TENM3: variants seen among roughly 807,000 people sequenced by gnomAD.
TENM3 encodes the protein teneurin transmembrane protein 3.
A neutral mutation model predicts 255.1 loss-of-function variants in TENM3; 63 were observed. The ratio of observed to expected loss-of-function variants is 0.25; its 90% CI spans 0.20 to 0.30. The LOEUF (loss-of-function observed/expected upper bound fraction) is 0.30. Ranked by LOEUF, TENM3 falls within the 10% of genes least tolerant of loss-of-function variation. The pLI is 1.00. For missense variants in TENM3, 2,929 were observed against 3,461.1 expected (o/e 0.85, Z 3.86); for synonymous variants, 1,306 against 1,322.3 (o/e 0.99, Z 0.27).
At chr4:181,944,150 T>A in the TENM3 span, among the ~76,000 whole-genome samples, 2 of 152,166 alleles carry the variant, frequency 1.3e-5, no homozygotes, top group Admixed American at 6.5e-5. Flanking sequence ...TTATGAGAAC[T>A]GGCTTGCTGG....
At chr4:181,770,373 G>A in the TENM3 span, among the ~76,000 whole-genome samples, 6 of 152,170 alleles carry the variant, frequency 3.9e-5, no homozygotes, top group Admixed American at 3.9e-4. Context: ...TAACCTCACT[G>A]TCTTAAGAGT....
intron 13 of TENM3, among the ~76,000 whole-genome samples, chr4:182,726,907 T>C (rs539652319): frequency 6.6e-6 from 1 of 152,330 alleles, no homozygotes; most frequent in Admixed American, 6.5e-5. Context: ...TTAATAAGAA[T>C]AGCCTAACTT....
the TENM3 span, among the ~76,000 whole-genome samples, chr4:181,652,322 T>C: frequency 6.6e-6 from 1 of 152,142 alleles, no homozygotes; most frequent in Non-Finnish European, 1.5e-5. Flanking sequence ...CAATAAGATA[T>C]ACAGGCTATT....
At chr4:181,767,693 A>G in the TENM3 span, among the ~76,000 whole-genome samples, 1 of 152,154 alleles carries the variant, frequency 6.6e-6, no homozygotes, top group African/African-American at 2.4e-5. Flanking sequence ...CATCTCAGGA[A>G]ATTCTGAGAC....
intron 2 of TENM3, among the ~76,000 whole-genome samples, chr4:182,334,702 TG>T (rs912448107): frequency 6.6e-6 from 1 of 152,120 alleles, no homozygotes; most frequent in African/African-American, 2.4e-5. Flanking sequence ...TTCTATTCAG[TG>T]GGATTTGATA....
chr4:182,037,150 A>ATTTTTTTTTTTTTATTT, the TENM3 span, among the ~76,000 whole-genome samples: 1 of 144,682 alleles, frequency 6.9e-6, no homozygotes, highest in Admixed American at 6.8e-5. Flanking sequence ...AACTCCTTTT[A>ATTTTTTTTTTTTTATTT]TTTTTTTTTT....
intron 3 of TENM3, chr4:182,448,969 G>C: frequency 2.5e-6 from 1 of 395,436 alleles, no homozygotes; most frequent in South Asian, 1.7e-5. Flanking sequence ...TCTGGCCGCC[G>C]CGCGCAGCCC....
At chr4:182,742,099 A>G (rs551811807) in intron 18 of TENM3, among the ~76,000 whole-genome samples, 13 of 152,368 alleles carry the variant, frequency 8.5e-5, no homozygotes, top group Admixed American at 2.6e-4. Context: ...TATACAGATG[A>G]TAACACATTG....
chr4:181,892,210 A>G, the TENM3 span, among the ~76,000 whole-genome samples: 2 of 152,186 alleles, frequency 1.3e-5, no homozygotes, highest in African/African-American at 4.8e-5. Flanking sequence ...GCTTCTATGA[A>G]TTGCATATTC....
At chr4:182,223,544 G>A (rs1755966456) in intron 1 of TENM3, among the ~76,000 whole-genome samples, 1 of 152,060 alleles carries the variant, frequency 6.6e-6, no homozygotes. Context: ...TTTATAACAT[G>A]TTTTAACACA....
At chr4:181,859,363 T>C in the TENM3 span, among the ~76,000 whole-genome samples, 1 of 151,930 alleles carries the variant, frequency 6.6e-6, no homozygotes, top group African/African-American at 2.4e-5. Context: ...AAATAGTCCC[T>C]TTCTAGAAAA....
the TENM3 span, among the ~76,000 whole-genome samples, chr4:181,719,122 C>A: frequency 6.6e-6 from 1 of 151,660 alleles, no homozygotes; most frequent in African/African-American, 2.4e-5. Context: ...AGGAGAATGG[C>A]GTGAACCCGG....
intron 26 of TENM3, among the ~76,000 whole-genome samples, chr4:182,796,204 C>T (rs536862592): frequency 6.6e-6 from 1 of 152,186 alleles, no homozygotes; most frequent in Non-Finnish European, 1.5e-5. Flanking sequence ...TGTGGAAGTC[C>T]GCATATCCTT....
chr4:182,725,636 C>CTTTTTTTTTTTTTTTT (rs5864795), intron 13 of TENM3, among the ~76,000 whole-genome samples: 92 of 133,584 alleles, frequency 6.9e-4, no homozygotes, highest in Middle Eastern at 8.4e-3. Flanking sequence ...TCTTTTTTTT[C>CTTTTTTTTTTTTTTTT]TTTTTTTTTT....
At chr4:182,333,948 G>A (rs985433885) in intron 2 of TENM3, among the ~76,000 whole-genome samples, 3 of 152,168 alleles carry the variant, frequency 2.0e-5, no homozygotes, top group African/African-American at 7.2e-5. Context: ...CACATGACCT[G>A]TGTGTGAATC....
intron 4 of TENM3, among the ~76,000 whole-genome samples, chr4:182,626,619 C>G (rs1750838149): frequency 6.7e-6 from 1 of 149,090 alleles, no homozygotes; most frequent in Admixed American, 6.6e-5. Flanking sequence ...TGAACTCAGA[C>G]AGTGTTGTTT....
At chr4:181,624,354 C>T in the TENM3 span, among the ~76,000 whole-genome samples, 1 of 152,192 alleles carries the variant, frequency 6.6e-6, no homozygotes, top group Non-Finnish European at 1.5e-5. Flanking sequence ...ACTCAAATTT[C>T]AATGGCCGAA....
chr4:182,459,002 C>T (rs541378594), intron 3 of TENM3, among the ~76,000 whole-genome samples: 215 of 152,272 alleles, frequency 1.4e-3, no homozygotes, highest in Non-Finnish European at 2.3e-3. Context: ...ATTCACCAAA[C>T]TTTTTTGAAA....
At chr4:181,616,951 C>T in the TENM3 span, among the ~76,000 whole-genome samples, 2 of 152,048 alleles carry the variant, frequency 1.3e-5, no homozygotes, top group African/African-American at 2.4e-5. Context: ...CTTTCTTTAC[C>T]GTTTTCTGGG....
Sources: allele counts gnomAD v4.1 joint callset (sites outside exome capture counted in the v4.1 genomes callset), GRCh38; gene constraint gnomAD v4.1.1; transcripts MANE v1.5; gene names NCBI Gene and HGNC (gene_info 2026-07-23, HGNC 2026-07-21).